FOXN3: variants seen among roughly 807,000 people sequenced by gnomAD.
The protein encoded by FOXN3 is forkhead box N3.
Under a neutral mutation model 38.4 loss-of-function variants are expected in FOXN3, and 7 were observed. The observed-to-expected ratio is 0.18, with a 90% CI of 0.10 to 0.34. The LOEUF (loss-of-function observed/expected upper bound fraction) is 0.34, where lower values mean the gene tolerates loss of function less well. Ranked by LOEUF, FOXN3 falls within the 10% of genes least tolerant of loss-of-function variation. The pLI is 1.00. For synonymous variants in FOXN3, 230 were observed against 242.2 expected (o/e 0.95, Z 0.47); for missense variants, 456 against 613.4 (o/e 0.74, Z 2.71).
chr14:89,350,859 T>C, intron 2 of FOXN3, 51 bp from the exon 3 acceptor site: 2 of 1,366,650 alleles, frequency 1.5e-6, no homozygotes, highest in Non-Finnish European at 1.9e-6. Flanking sequence ...TATTAAGTAC[T>C]TTGCAATAAG....
intron 1 of FOXN3, among the ~76,000 whole-genome samples, chr14:89,601,340 C>T (rs1350509201): frequency 2.0e-5 from 3 of 152,170 alleles, no homozygotes; most frequent in Non-Finnish European, 4.4e-5. Flanking sequence ...TTGCCACATG[C>T]ATTGTGTTTG....
intron 1 of FOXN3, among the ~76,000 whole-genome samples, chr14:89,479,210 C>G (rs979766945): frequency 4.6e-5 from 7 of 152,130 alleles, no homozygotes; most frequent in African/African-American, 1.4e-4. Flanking sequence ...AAGGTACACA[C>G]ACTTCAACTG....
At chr14:89,232,507 G>A (rs1302905330) in intron 4 of FOXN3, among the ~76,000 whole-genome samples, 2 of 152,168 alleles carry the variant, frequency 1.3e-5, no homozygotes, top group African/African-American at 4.8e-5. Context: ...TATAACAAAG[G>A]TCCTGATGCA....
At position 89,339,220 on chromosome 14, in the gene FOXN3, C is replaced by T. The variant is rs142775052; in HGVS notation, c.680+11452G>A. 5.2e-3 allele frequency among the ~76,000 whole-genome samples: 792 copies of T among 152,212 alleles called. 2 individuals are homozygous for T. Among genetic ancestry groups the T allele is most frequent in the African/African-American group, 0.018 (752 of 41,532 alleles). Reference sequence around the variant, plus strand: ...AACCCCTGACCTCAGGTGATCTGCCCGCCTCGGCCTCCCAAAGTGCTGAGA... The same window carrying T: ...AACCCCTGACCTCAGGTGATCTGCCTGCCTCGGCCTCCCAAAGTGCTGAGA... On this transcript the variant is annotated intron_variant, in intron 3 of 5. Transcript: ENST00000557258.
chr14:89,561,176 G>A (rs1016094104), intron 1 of FOXN3, among the ~76,000 whole-genome samples: 7 of 152,194 alleles, frequency 4.6e-5, no homozygotes, highest in Non-Finnish European at 5.9e-5. Context: ...CGGTGGCCTC[G>A]GCACATCTTC....
intron 4 of FOXN3, among the ~76,000 whole-genome samples, chr14:89,272,303 ACT>A (rs1203272318): frequency 6.6e-6 from 1 of 151,986 alleles, no homozygotes; most frequent in African/African-American, 2.4e-5. Context: ...ACAGAGCGAA[ACT>A]CTGTTTCAAA....
chr14:89,467,804 G>T (rs112016212), intron 1 of FOXN3, among the ~76,000 whole-genome samples: 4,632 of 56,488 alleles, frequency 0.082, 44 homozygotes, highest in African/African-American at 0.12. Context: ...TTCTTTCTTT[G>T]TTTTTTTTTT....
chr14:89,245,256 A>C (rs1256265843), intron 4 of FOXN3, among the ~76,000 whole-genome samples: 1 of 152,224 alleles, frequency 6.6e-6, no homozygotes, highest in East Asian at 1.9e-4. Context: ...CAGGTGGGTC[A>C]TTCGGGGCCC....
intron 1 of FOXN3, among the ~76,000 whole-genome samples, chr14:89,578,285 G>A (rs1349513869): frequency 6.6e-6 from 1 of 152,154 alleles, no homozygotes; most frequent in Non-Finnish European, 1.5e-5. Flanking sequence ...ACTTCAATGA[G>A]AGTTCCTTCT....
At chr14:89,578,087 T>C (rs1240815633) in intron 1 of FOXN3, among the ~76,000 whole-genome samples, 1 of 152,122 alleles carries the variant, frequency 6.6e-6, no homozygotes, top group African/African-American at 2.4e-5. Context: ...GAAAGACATA[T>C]GAAAGGGAAA....
At chr14:89,253,897 C>T (rs941068163) in intron 4 of FOXN3, among the ~76,000 whole-genome samples, 5 of 152,194 alleles carry the variant, frequency 3.3e-5, no homozygotes, top group South Asian at 2.1e-4. Flanking sequence ...GTTTCCTCAT[C>T]GGCACATGGT....
chr14:89,547,720 TA>T (rs1414653454), intron 1 of FOXN3, among the ~76,000 whole-genome samples: 1 of 152,212 alleles, frequency 6.6e-6, no homozygotes, highest in Admixed American at 6.5e-5. Context: ...CTACCACAGG[TA>T]GATACTATTT....
At chr14:89,469,974 C>T (rs983618817) in intron 1 of FOXN3, among the ~76,000 whole-genome samples, 1 of 152,234 alleles carries the variant, frequency 6.6e-6, no homozygotes, top group African/African-American at 2.4e-5. Flanking sequence ...GCAGGCAGGG[C>T]CTGCCCCTGT....
chr14:89,315,708 T>C (rs917842669), intron 3 of FOXN3, among the ~76,000 whole-genome samples: 1 of 152,216 alleles, frequency 6.6e-6, no homozygotes, highest in Non-Finnish European at 1.5e-5. Flanking sequence ...GCGTGGGCTA[T>C]ATTGCATACC....
At chr14:89,469,888 G>GTTTTTT (rs1893056019) in intron 1 of FOXN3, among the ~76,000 whole-genome samples, 1 of 152,250 alleles carries the variant, frequency 6.6e-6, no homozygotes, top group Non-Finnish European at 1.5e-5. Flanking sequence ...GAGGATCCTG[G>GTTTTTT]TGAATGTCAG....
Position 89,395,972 on chromosome 14 carries a change from A to G in FOXN3, c.543+15962T>C, listed in dbSNP as rs540774059. Among the ~76,000 whole-genome samples, 95 of 152,306 alleles carry G rather than the reference A, an allele frequency of 6.2e-4. 1 individual carries two copies. Among genetic ancestry groups the G allele is most frequent in the Middle Eastern group, 6.8e-3 (2 of 294 alleles). On this transcript the variant is annotated intron_variant, in intron 2 of 5. Transcript: ENST00000557258. ...AAACTCTCCACATAACATCAGCACCAAGAAGCAGATCAGGTCCTTTGCTCA... is the reference window on the plus strand; with the variant it reads ...AAACTCTCCACATAACATCAGCACCGAGAAGCAGATCAGGTCCTTTGCTCA...
At chr14:89,430,607 T>C (rs1337624188) in intron 1 of FOXN3, among the ~76,000 whole-genome samples, 6 of 152,236 alleles carry the variant, frequency 3.9e-5, no homozygotes, top group Non-Finnish European at 8.8e-5. Context: ...CCTTCTTTTT[T>C]CTTTAATCTT....
intron 1 of FOXN3, among the ~76,000 whole-genome samples, chr14:89,540,250 G>A (rs1413524076): frequency 6.6e-6 from 1 of 152,140 alleles, no homozygotes; most frequent in Non-Finnish European, 1.5e-5. Context: ...GTGACTGTGG[G>A]GTATGTGGTT....
At chr14:89,279,536 C>T (rs773854972) in intron 4 of FOXN3, among the ~76,000 whole-genome samples, 6 of 152,104 alleles carry the variant, frequency 3.9e-5, no homozygotes, top group Non-Finnish European at 8.8e-5. Flanking sequence ...GGAAAAATGA[C>T]GCACATAACT....
Sources: gnomAD v4.1 joint callset for allele counts (sites outside exome capture counted in the v4.1 genomes callset) on GRCh38, gnomAD v4.1.1 for gene constraint, MANE v1.5 for transcripts, NCBI Gene and HGNC (gene_info 2026-07-23, HGNC 2026-07-21) for gene names.